Variants in SDK1 observed in about 807,000 individuals in gnomAD.
The protein encoded by SDK1 is sidekick cell adhesion molecule 1.
In SDK1, 157 loss-of-function variants were observed where a neutral mutation model predicts 245.5. That is an observed-to-expected ratio of 0.64 (90% CI 0.56 to 0.73). The LOEUF (loss-of-function observed/expected upper bound fraction) is 0.73. Ranked by LOEUF, SDK1 falls within the 30% of genes least tolerant of loss-of-function variation. The probability of loss-of-function intolerance (pLI) is 0.00; values close to 1 mark genes in which losing one functional copy is unlikely to be tolerated. For synonymous variants in SDK1, 1,647 were observed against 1,278.5 expected (o/e 1.29, Z -6.15); for missense variants, 3,583 against 3,002.3 (o/e 1.19, Z -4.52).
chr7:3,826,257 A>G (rs144131059), intron 5 of SDK1, among the ~76,000 whole-genome samples: 1 of 152,326 alleles, frequency 6.6e-6, no homozygotes, highest in African/African-American at 2.4e-5. Flanking sequence ...AGCATTAACC[A>G]TCAGACAGAA....
intron 1 of SDK1, among the ~76,000 whole-genome samples, chr7:3,582,834 C>T (rs1227558601): frequency 6.6e-6 from 1 of 152,144 alleles, no homozygotes; most frequent in Non-Finnish European, 1.5e-5. Context: ...CCCCAGCAAC[C>T]CCTACCTGCT....
intron 17 of SDK1, among the ~76,000 whole-genome samples, chr7:4,045,036 G>A (rs1248797339): frequency 2.0e-5 from 3 of 152,132 alleles, no homozygotes; most frequent in Non-Finnish European, 4.4e-5. Flanking sequence ...GCAGTCTTCA[G>A]AACCTGGCTT....
chr7:3,799,232 T>G (rs978579564), intron 4 of SDK1, among the ~76,000 whole-genome samples: 3 of 152,200 alleles, frequency 2.0e-5, no homozygotes, highest in African/African-American at 7.2e-5. Context: ...TGGTATGTAC[T>G]TTGAAATTGT....
intron 4 of SDK1, among the ~76,000 whole-genome samples, chr7:3,741,021 A>T (rs796760627): frequency 1.3e-5 from 2 of 152,186 alleles, no homozygotes; most frequent in Admixed American, 1.3e-4. Flanking sequence ...CTTGTGATTA[A>T]TCTACCTGTT....
At chr7:3,561,843 T>G (rs1779761996) in intron 1 of SDK1, among the ~76,000 whole-genome samples, 2 of 152,352 alleles carry the variant, frequency 1.3e-5, no homozygotes, top group Admixed American at 1.3e-4. Context: ...AAGACTGGCC[T>G]TGCATTTGGA....
At chr7:4,047,690 C>G (rs796430785) in intron 17 of SDK1, among the ~76,000 whole-genome samples, 5 of 152,334 alleles carry the variant, frequency 3.3e-5, no homozygotes, top group African/African-American at 1.2e-4. Context: ...ATTGTCTCCT[C>G]CTCCCGCGCT....
intron 1 of SDK1, among the ~76,000 whole-genome samples, chr7:3,574,838 G>A (rs1007801452): frequency 6.6e-6 from 1 of 152,046 alleles, no homozygotes; most frequent in African/African-American, 2.4e-5. Flanking sequence ...GACCATGTTA[G>A]AATTACAGAA....
chr7:3,447,444 T>A (rs1780374026), intron 1 of SDK1, among the ~76,000 whole-genome samples: 1 of 152,108 alleles, frequency 6.6e-6, no homozygotes, highest in Non-Finnish European at 1.5e-5. Flanking sequence ...ACTCTTCACA[T>A]GTGTTGGACT....
chr7:3,419,520 T>C lies in SDK1; in HGVS notation c.298+117636T>C, dbSNP rs144219860. On this transcript the variant is annotated intron_variant, in intron 1 of 44. Transcript: ENST00000404826. ...GGCAGGTCCGCAGGGGGTTGCTGTT[T>C]CGAAAGTATTGAGTGCTCTGGACAC... is the stretch of plus-strand genomic sequence containing the variant. Among the ~76,000 whole-genome samples the C allele has an allele frequency of 7.9e-5, 12 of 152,304 alleles. No individual in the cohort carries two copies. In the East Asian group the frequency reaches 2.1e-3, roughly 27 times the overall value.
At chr7:4,204,843 C>T (rs569282237) in intron 35 of SDK1, among the ~76,000 whole-genome samples, 3 of 152,256 alleles carry the variant, frequency 2.0e-5, no homozygotes, top group South Asian at 2.1e-4. Context: ...GAGAATAGGC[C>T]GTCAAGAGAA....
At chr7:3,999,472 G>A (rs1784917064) in intron 14 of SDK1, among the ~76,000 whole-genome samples, 1 of 152,252 alleles carries the variant, frequency 6.6e-6, no homozygotes, top group African/African-American at 2.4e-5. Context: ...AGGGAAGGGG[G>A]GTTCCCTGTG....
chr7:3,981,389 A>C (rs952059232), intron 13 of SDK1, among the ~76,000 whole-genome samples: 1 of 152,184 alleles, frequency 6.6e-6, no homozygotes, highest in African/African-American at 2.4e-5. Flanking sequence ...AAATTTGGCC[A>C]GTTAATAACC....
chr7:3,988,133 T>G (rs13236661), intron 14 of SDK1, among the ~76,000 whole-genome samples: 3 of 44,372 alleles, frequency 6.8e-5, no homozygotes, highest in Non-Finnish European at 9.8e-5. Flanking sequence ...CTTTTTAATG[T>G]TTTTTTTTTT....
rs147543139 is a variant in SDK1 at position 3,529,254 on chromosome 7, C to G, written c.299-89826C>G. 3.6e-3 allele frequency among the ~76,000 whole-genome samples: 552 copies of G among 152,276 alleles called. 2 individuals are homozygous for G. Among genetic ancestry groups the G allele is most frequent in the African/African-American group, 0.013 (526 of 41,570 alleles). Reference sequence around the variant, plus strand: ...CAGAAGGCCTAGGAGCAGTCAATCACTTATCAGCAGTGAGTTTGCCAACTG... The same window carrying G: ...CAGAAGGCCTAGGAGCAGTCAATCAGTTATCAGCAGTGAGTTTGCCAACTG... On this transcript the variant is annotated intron_variant, in intron 1 of 44. Coordinates refer to ENST00000404826, the MANE Select transcript of SDK1 (RefSeq NM_152744.4).
At chr7:4,221,430 C>T (rs908331384) in intron 40 of SDK1, 66 bp downstream of exon 40, 10 of 1,505,212 alleles carry the variant, frequency 6.6e-6, no homozygotes, top group East Asian at 2.5e-5. Flanking sequence ...AAGACTGTGT[C>T]GGGGGCTTCC....
chr7:3,679,338 G>T (rs1282371711), intron 4 of SDK1, among the ~76,000 whole-genome samples: 1 of 151,940 alleles, frequency 6.6e-6, no homozygotes, highest in Non-Finnish European at 1.5e-5. Context: ...AGGCCGAGGC[G>T]GGTGGATCAC....
intron 22 of SDK1, among the ~76,000 whole-genome samples, chr7:4,109,406 G>C (rs1317975349): frequency 2.6e-5 from 4 of 152,182 alleles, no homozygotes; most frequent in African/African-American, 9.7e-5. Context: ...CCAAGACTTA[G>C]CCACCCACCA....
chr7:4,194,313 C>CGT (rs1562415693), intron 35 of SDK1, among the ~76,000 whole-genome samples: 11 of 116,148 alleles, frequency 9.5e-5, no homozygotes, highest in African/African-American at 3.5e-4. Context: ...TACATGTATA[C>CGT]ATATATGTAT....
chr7:3,583,109 G>A (rs1780564677), intron 1 of SDK1, among the ~76,000 whole-genome samples: 2 of 152,202 alleles, frequency 1.3e-5, no homozygotes, highest in South Asian at 2.1e-4. Context: ...GGAGACCGGA[G>A]GTATCGGTGT....
Sources: allele counts gnomAD v4.1 joint callset (sites outside exome capture counted in the v4.1 genomes callset), GRCh38; gene constraint gnomAD v4.1.1; transcripts MANE v1.5; gene names NCBI Gene and HGNC (gene_info 2026-07-23, HGNC 2026-07-21).